Variants in SCFD2 observed in about 807,000 individuals in gnomAD.
SCFD2 encodes the protein sec1 family domain-containing protein 2.
A neutral mutation model predicts 58.9 loss-of-function variants in SCFD2; 54 were observed. The ratio of observed to expected loss-of-function variants is 0.92; its 90% CI spans 0.74 to 1.15. The LOEUF is 1.15. Among genes scored for constraint, SCFD2 ranks in the 50% most tolerant of loss-of-function variants. The pLI is 0.00. For missense variants in SCFD2, 805 were observed against 836.6 expected (o/e 0.96, Z 0.47); for synonymous variants, 321 against 335.9 (o/e 0.96, Z 0.49).
chr4:53,065,830 T>C (rs565303958), intron 5 of SCFD2, among the ~76,000 whole-genome samples: 2 of 152,068 alleles, frequency 1.3e-5, no homozygotes, highest in South Asian at 2.1e-4. Flanking sequence ...TTTTAACACA[T>C]GCACAGTACA....
intron 4 of SCFD2, among the ~76,000 whole-genome samples, chr4:53,234,361 G>A (rs1194856382): frequency 1.3e-5 from 2 of 152,324 alleles, no homozygotes; most frequent in African/African-American, 4.8e-5. Context: ...CTGGAGAGGA[G>A]AGAAGGTGAT....
At chr4:53,340,482 C>A (rs931107740) in intron 2 of SCFD2, among the ~76,000 whole-genome samples, 1 of 152,190 alleles carries the variant, frequency 6.6e-6, no homozygotes, top group Non-Finnish European at 1.5e-5. Flanking sequence ...CTGGGTGGAG[C>A]CCACCACAAA....
chr4:53,109,160 T>G (rs1725093686), intron 5 of SCFD2, among the ~76,000 whole-genome samples: 1 of 152,138 alleles, frequency 6.6e-6, no homozygotes, highest in African/African-American at 2.4e-5. Context: ...TCGATAAAAT[T>G]CAACACCCCT....
intron 2 of SCFD2, among the ~76,000 whole-genome samples, chr4:53,331,138 T>A (rs545363706): frequency 4.6e-5 from 7 of 150,802 alleles, no homozygotes; most frequent in Admixed American, 1.3e-4. Context: ...CTCCCACACA[T>A]TAATAATGGG....
intron 2 of SCFD2, among the ~76,000 whole-genome samples, chr4:53,331,387 A>G (rs564742581): frequency 6.6e-6 from 1 of 152,338 alleles, no homozygotes; most frequent in East Asian, 1.9e-4. Context: ...AGAAATTATA[A>G]TGAACTATCT....
intron 5 of SCFD2, among the ~76,000 whole-genome samples, chr4:52,970,742 A>C (rs1721079029): frequency 6.6e-6 from 1 of 152,240 alleles, no homozygotes; most frequent in Non-Finnish European, 1.5e-5. Flanking sequence ...CTGACCCCCG[A>C]GTAGCCTAAC....
At chr4:52,977,557 G>A (rs1721283279) in intron 5 of SCFD2, among the ~76,000 whole-genome samples, 2 of 152,060 alleles carry the variant, frequency 1.3e-5, no homozygotes, top group African/African-American at 4.8e-5. Context: ...ACAGGCATCT[G>A]GCAAGGAATG....
At chr4:52,896,687 A>G (rs899602649) in intron 7 of SCFD2, among the ~76,000 whole-genome samples, 10 of 152,122 alleles carry the variant, frequency 6.6e-5, no homozygotes, top group African/African-American at 2.4e-4. Flanking sequence ...GTTTTTTCCA[A>G]TTCTGTGAAG....
At chr4:52,961,566 C>A (rs1720853027) in intron 5 of SCFD2, among the ~76,000 whole-genome samples, 1 of 152,144 alleles carries the variant, frequency 6.6e-6, no homozygotes, top group South Asian at 2.1e-4. Flanking sequence ...GGAAAACCAG[C>A]CTCCCTGGTT....
chr4:53,112,253 T>C (rs1430716759), intron 5 of SCFD2, among the ~76,000 whole-genome samples: 1 of 151,642 alleles, frequency 6.6e-6, no homozygotes, highest in East Asian at 1.9e-4. Flanking sequence ...AAAGGTGGAG[T>C]TTTTTGAGGA....
intron 5 of SCFD2, among the ~76,000 whole-genome samples, chr4:53,110,466 G>A (rs1454492736): frequency 6.6e-6 from 1 of 152,144 alleles, no homozygotes; most frequent in Non-Finnish European, 1.5e-5. Context: ...CTTACACAAT[G>A]GGAGAAAATT....
At chr4:52,879,152 G>A (rs907820021) in intron 8 of SCFD2, among the ~76,000 whole-genome samples, 2 of 152,122 alleles carry the variant, frequency 1.3e-5, no homozygotes, top group African/African-American at 2.4e-5. Context: ...GCTGGTGGCA[G>A]TGGTCAGCCT....
chr4:53,029,908 T>A (rs1223879233), intron 5 of SCFD2, among the ~76,000 whole-genome samples: 1 of 152,206 alleles, frequency 6.6e-6, no homozygotes, highest in Non-Finnish European at 1.5e-5. Flanking sequence ...CTTGTGGTTT[T>A]AGGTTAGGCA....
intron 5 of SCFD2, among the ~76,000 whole-genome samples, chr4:52,993,335 T>A: frequency 6.6e-6 from 1 of 152,076 alleles, no homozygotes; most frequent in East Asian, 1.9e-4. Context: ...CCCTCCACTA[T>A]TGTCCTGTGA....
rs371168416 is a variant in SCFD2 at position 53,336,892 on chromosome 4, G to A, written c.1007+15706C>T. ...CAATAAGCACATGAAAGTGTGCTCA[G>A]TATCCTTGAAGCCTGTGTATTTGGA... On this transcript the variant is annotated intron_variant, in intron 2 of 8. Coordinates refer to ENST00000401642, the MANE Select transcript of SCFD2 (RefSeq NM_152540.4). Among the ~76,000 whole-genome samples, 119 of 152,210 alleles carry A rather than the reference G, an allele frequency of 7.8e-4. No individual in the cohort carries two copies. In the South Asian group the frequency reaches 0.023, roughly 29 times the overall value.
chr4:53,268,612 A>C (rs1298323714), intron 4 of SCFD2, among the ~76,000 whole-genome samples: 2 of 152,164 alleles, frequency 1.3e-5, no homozygotes, highest in Admixed American at 1.3e-4. Context: ...TCTGTGCTAT[A>C]GGAGCCACAG....
rs146667558 is a variant in SCFD2, at chr4:53,319,585, T to G, written c.1008-5822A>C. Among the ~76,000 whole-genome samples the G allele has an allele frequency of 8.6e-3, 1,300 of 151,892 alleles. 12 individuals are homozygous for G. Among genetic ancestry groups the G allele is most frequent in the African/African-American group, 0.03 (1,237 of 41,418 alleles). On this transcript the variant is annotated intron_variant, in intron 2 of 8. Transcript: ENST00000401642. ...TCTCGCTCTGTCACCCAGGCTCAAG[T>G]GCAGTGGCATGATCTCAGCTCACTG...
In SCFD2 at chr4:52,900,544, T is replaced by G. The variant is rs185126821; in HGVS notation, c.1842+6913A>C. ...TACCCGGCCGTGTGAGGTGTCAGTC[T>G]GCCCCTACTGGGAGGTGCCTCCCAG... On this transcript the variant is annotated intron_variant, in intron 7 of 8. Transcript: ENST00000401642. Among the ~76,000 whole-genome samples the G allele has an allele frequency of 1.3e-3, 204 of 152,366 alleles. 1 individual carries two copies. The Middle Eastern group carries it at 0.014, about 10-fold the overall frequency.
intron 5 of SCFD2, among the ~76,000 whole-genome samples, chr4:53,040,879 C>T (rs149071718): frequency 6.6e-6 from 1 of 152,122 alleles, no homozygotes; most frequent in East Asian, 1.9e-4. Context: ...AGATTTTAAA[C>T]CTGTTGATAG....
Sources: allele counts gnomAD v4.1 joint callset (sites outside exome capture counted in the v4.1 genomes callset), GRCh38; gene constraint gnomAD v4.1.1; transcripts MANE v1.5; gene names NCBI Gene and HGNC (gene_info 2026-07-23, HGNC 2026-07-21).